The following KANK1 variants were observed in gnomAD, a reference collection of about 807,000 sequenced individuals.
KANK1 encodes KN motif and ankyrin repeat domain-containing protein 1.
KANK1 carries 109 observed loss-of-function variants against 106.2 expected under a neutral mutation model. The ratio of observed to expected loss-of-function variants is 1.03; its 90% CI spans 0.88 to 1.20. The LOEUF is 1.20. Among genes scored for constraint, KANK1 ranks in the 50% most tolerant of loss-of-function variants. The pLI is 0.00. For synonymous variants in KANK1, 873 were observed against 652.2 expected (o/e 1.34, Z -5.16); for missense variants, 2,399 against 1,710.7 (o/e 1.40, Z -7.10).
At chr9:588,043 G>A (rs564840125) in intron 1 of KANK1, among the ~76,000 whole-genome samples, 23 of 150,556 alleles carry the variant, frequency 1.5e-4, no homozygotes, top group African/African-American at 5.6e-4. Flanking sequence ...TCTAGCCTGG[G>A]TGACAGAGCT....
intron 1 of KANK1, among the ~76,000 whole-genome samples, chr9:654,183 C>G (rs1172326903): frequency 6.6e-6 from 1 of 152,174 alleles, no homozygotes; most frequent in Non-Finnish European, 1.5e-5. Flanking sequence ...CCTGAAGAGT[C>G]TCTGATTCAG....
intron 1 of KANK1, among the ~76,000 whole-genome samples, chr9:566,950 GC>G (rs1387266064): frequency 6.6e-6 from 1 of 152,060 alleles, no homozygotes; most frequent in East Asian, 1.9e-4. Flanking sequence ...GAATGGTATT[GC>G]TTAGGTTATC....
At chr9:580,726 G>A (rs1003588662) in intron 1 of KANK1, among the ~76,000 whole-genome samples, 11 of 152,262 alleles carry the variant, frequency 7.2e-5, no homozygotes, top group Middle Eastern at 3.2e-3. Context: ...ATCCCGCACT[G>A]GGGCCGCAGG....
chr9:616,408 C>T (rs1360814063), intron 1 of KANK1, among the ~76,000 whole-genome samples: 1 of 152,178 alleles, frequency 6.6e-6, no homozygotes, highest in African/African-American at 2.4e-5. Flanking sequence ...CATCAAACTG[C>T]ATAGCCAGAT....
At chr9:497,697 C>A (rs1331310497) in intron 3 of KANK1, among the ~76,000 whole-genome samples, 1 of 151,864 alleles carries the variant, frequency 6.6e-6, no homozygotes, top group African/African-American at 2.4e-5. Context: ...ACAAAAAATA[C>A]AAAAAATTAG....
At chr9:675,513 T>C (rs1816231195) in intron 1 of KANK1, among the ~76,000 whole-genome samples, 1 of 152,200 alleles carries the variant, frequency 6.6e-6, no homozygotes, top group African/African-American at 2.4e-5. Flanking sequence ...TTTGTATTTT[T>C]TTTTCTTTTT....
At chr9:552,819 ATTT>A (rs1268064854) in intron 1 of KANK1, among the ~76,000 whole-genome samples, 4 of 152,162 alleles carry the variant, frequency 2.6e-5, no homozygotes, top group African/African-American at 9.7e-5. Context: ...AGAATGAGCT[ATTT>A]TTCTACCATG....
chr9:641,437 C>CT (rs1423498241), intron 1 of KANK1, among the ~76,000 whole-genome samples: 1 of 152,132 alleles, frequency 6.6e-6, no homozygotes, highest in African/African-American at 2.4e-5. Context: ...TCTGTATATC[C>CT]TTTCCAAGAG....
chr9:522,421 G>C (rs1328267300), intron 1 of KANK1, among the ~76,000 whole-genome samples: 1 of 151,578 alleles, frequency 6.6e-6, no homozygotes, highest in Non-Finnish European at 1.5e-5. Flanking sequence ...TCCTTTCTGT[G>C]CTCACTCCGT....
At chr9:492,219 T>G (rs1486829522) in intron 3 of KANK1, 2 of 152,224 alleles carry the variant, frequency 1.3e-5, no homozygotes, top group African/African-American at 4.8e-5. Context: ...ACTTCCAGTT[T>G]TGAGTCTTAG....
At chr9:664,729 T>C (rs1489787931) in intron 1 of KANK1, among the ~76,000 whole-genome samples, 1 of 152,216 alleles carries the variant, frequency 6.6e-6, no homozygotes, top group Non-Finnish European at 1.5e-5. Flanking sequence ...ATTCTACTTT[T>C]ACATTTTTGA....
chr9:548,692 A>C (rs1459873740), intron 1 of KANK1, among the ~76,000 whole-genome samples: 1 of 152,228 alleles, frequency 6.6e-6, no homozygotes, highest in African/African-American at 2.4e-5. Context: ...TAAAATGTTA[A>C]TTGCATAGTT....
chr9:643,374 C>G (rs1383948804), intron 1 of KANK1, among the ~76,000 whole-genome samples: 9 of 150,684 alleles, frequency 6.0e-5, no homozygotes, highest in Non-Finnish European at 1.2e-4. Flanking sequence ...CTAGTTAACT[C>G]TTAAATGTTT....
chr9:707,155 A>G (rs1824499508), intron 2 of KANK1: 1 of 985,352 alleles, frequency 1.0e-6, no homozygotes, highest in Non-Finnish European at 1.2e-6. Context: ...TCACGGGGTG[A>G]GGATCGAGGG....
chr9:688,532 A>C (rs1367018762), intron 2 of KANK1, among the ~76,000 whole-genome samples: 2 of 117,380 alleles, frequency 1.7e-5, no homozygotes, highest in East Asian at 4.8e-4. Flanking sequence ...CTTGAACCCG[A>C]GAGGTGGAGG....
chr9:517,803 A>G (rs1368483421), intron 1 of KANK1, among the ~76,000 whole-genome samples: 2 of 144,486 alleles, frequency 1.4e-5, no homozygotes, highest in Admixed American at 7.2e-5. Context: ...AAGTGGCGTG[A>G]TCTCGGCTCA....
At chr9:705,387 G>C (rs546930897) in intron 2 of KANK1, among the ~76,000 whole-genome samples, 1 of 152,126 alleles carries the variant, frequency 6.6e-6, no homozygotes, top group African/African-American at 2.4e-5. Flanking sequence ...TCGGGAGGAC[G>C]AGGCAGGAGA....
At chr9:598,377 G>T (rs1318149193) in intron 1 of KANK1, among the ~76,000 whole-genome samples, 2 of 151,236 alleles carry the variant, frequency 1.3e-5, no homozygotes, top group Non-Finnish European at 2.9e-5. Flanking sequence ...TTAAGGATCT[G>T]TTTTTTCATT....
intron 1 of KANK1, among the ~76,000 whole-genome samples, chr9:556,453 G>A (rs2061589304): frequency 6.6e-6 from 1 of 152,166 alleles, no homozygotes; most frequent in Non-Finnish European, 1.5e-5. Context: ...GTCTCATGGA[G>A]TTAGCCATGA....
Sources: gnomAD v4.1 joint callset for allele counts (sites outside exome capture counted in the v4.1 genomes callset) on GRCh38, gnomAD v4.1.1 for gene constraint, MANE v1.5 for transcripts, NCBI Gene and HGNC (gene_info 2026-07-23, HGNC 2026-07-21) for gene names.